Variants in MGRN1 observed in about 807,000 individuals in gnomAD.
MGRN1 encodes the protein mahogunin ring finger 1.
A neutral mutation model predicts 69.2 loss-of-function variants in MGRN1; 29 were observed. The observed-to-expected ratio is 0.42, with a 90% CI of 0.31 to 0.57. The LOEUF is 0.57. Ranked by LOEUF, MGRN1 falls within the 20% of genes least tolerant of loss-of-function variation. MGRN1 has a pLI of 0.15. For missense variants in MGRN1, 998 were observed against 796.2 expected (o/e 1.25, Z -3.05); for synonymous variants, 470 against 344.2 (o/e 1.37, Z -4.04).
Position 4,677,423 on chromosome 16 carries a change from G to A in MGRN1, c.956-40G>A, listed in dbSNP as rs1432139108. 7 of 1,474,048 alleles carry A rather than the reference G, an allele frequency of 4.7e-6. No homozygotes were observed. The East Asian group carries it at 1.0e-4, about 21-fold the overall frequency. The allele number at this position is 1,474,048 out of a possible 1,614,324, so 91.3% of individuals were successfully genotyped here. On this transcript the variant is annotated intron_variant, in intron 10 of 16. Transcript: ENST00000262370. ...TGGGAGGGTCCCCTCGGGGCTGGGT[G>A]TGTCGCCTGGGCCTGATCTGAGCCC...
intron 1 of MGRN1, among the ~76,000 whole-genome samples, chr16:4,626,764 C>T (rs1319893949): frequency 6.6e-6 from 1 of 152,216 alleles, no homozygotes; most frequent in Non-Finnish European, 1.5e-5. Flanking sequence ...AATGTCATTG[C>T]TAATCACTCG....
At chr16:4,647,305 C>T (rs1596275063) in intron 1 of MGRN1, among the ~76,000 whole-genome samples, 1 of 152,220 alleles carries the variant, frequency 6.6e-6, no homozygotes. Flanking sequence ...GACCACCGTG[C>T]CCTGAGGCAC....
rs763857044 is a variant in MGRN1, at chr16:4,682,804, C to T, written c.1359-19C>T. ...GTCGTTATCCTCTCACCCCTGCCCACCCTCTCCTCTGTCCCCAGCACCCTA... is the reference window on the plus strand; with the variant it reads ...GTCGTTATCCTCTCACCCCTGCCCATCCTCTCCTCTGTCCCCAGCACCCTA... On this transcript the variant is annotated intron_variant, in intron 13 of 16. Transcript: ENST00000262370. 16 of 1,533,626 alleles carry T rather than the reference C, an allele frequency of 1.0e-5. No individual in the cohort carries two copies. In the African/African-American group the frequency reaches 2.1e-4, roughly 20 times the overall value.
At position 4,628,077 on chromosome 16, in the gene MGRN1, C is replaced by A. The variant is rs542201140; in HGVS notation, c.88+3029C>A. 5.3e-4 allele frequency among the ~76,000 whole-genome samples: 65 copies of A among 123,590 alleles called. 2 individuals are homozygous for A. The highest frequency in any genetic ancestry group is 5.0e-3 in the Middle Eastern group (1 of 200). The allele number at this position is 123,590 out of a possible 152,430, so 81.1% of individuals were successfully genotyped here. On this transcript the variant is annotated intron_variant, in intron 1 of 16. Transcript: ENST00000262370. ...CCTAGGTGTCAGAGTGAGACTCCGT[C>A]TCAAAAAAAAAAAAAAAAAAGAATT... is the stretch of plus-strand genomic sequence containing the variant.
At chr16:4,667,431 C>G (rs1440719442) in intron 7 of MGRN1, among the ~76,000 whole-genome samples, 1 of 152,244 alleles carries the variant, frequency 6.6e-6, no homozygotes, top group African/African-American at 2.4e-5. Flanking sequence ...GGCTCCCCAG[C>G]TGCTCTCCCC....
At chr16:4,651,697 A>G (rs1291867734) in intron 2 of MGRN1, among the ~76,000 whole-genome samples, 1 of 151,950 alleles carries the variant, frequency 6.6e-6, no homozygotes, top group Non-Finnish European at 1.5e-5. Flanking sequence ...CAGGTTGGGG[A>G]TGGGCAGCCC....
chr16:4,659,883 C>T (rs958298799), intron 5 of MGRN1, among the ~76,000 whole-genome samples: 5 of 152,132 alleles, frequency 3.3e-5, no homozygotes, highest in African/African-American at 1.2e-4. Context: ...CTTAGCCTCC[C>T]ATCTCCCTCA....
intron 1 of MGRN1, among the ~76,000 whole-genome samples, chr16:4,631,090 G>A (rs1342301835): frequency 2.0e-5 from 3 of 152,126 alleles, no homozygotes; most frequent in Non-Finnish European, 2.9e-5. Flanking sequence ...CCAGAGTGCT[G>A]GGATTACAGG....
intron 4 of MGRN1, 137 bp downstream of exon 4, chr16:4,652,961 G>A: frequency 1.7e-6 from 2 of 1,194,704 alleles, no homozygotes; most frequent in Non-Finnish European, 2.2e-6. Flanking sequence ...TTACCACGAT[G>A]TGAGGGGTTT....
intron 11 of MGRN1, among the ~76,000 whole-genome samples, chr16:4,677,989 G>A (rs936186798): frequency 2.6e-5 from 4 of 152,154 alleles, no homozygotes; most frequent in East Asian, 1.9e-4. Context: ...CTGTGACCAC[G>A]GGCGTGTACC....
intron 8 of MGRN1, 79 bp downstream of exon 8, chr16:4,668,391 A>G: frequency 7.0e-7 from 1 of 1,438,684 alleles, no homozygotes; most frequent in Non-Finnish European, 9.7e-7. Flanking sequence ...ACTCATACAT[A>G]GACACACACT....
rs540642739 is a variant in MGRN1 at position 4,657,516 on chromosome 16, G to A, written c.561+153G>A. Among the ~76,000 whole-genome samples the A allele has an allele frequency of 2.0e-5, 3 of 152,340 alleles. No homozygotes were observed. The East Asian group carries it at 5.8e-4, about 29-fold the overall frequency. On this transcript the variant is annotated intron_variant, in intron 5 of 16. Transcript: ENST00000262370. ...CCCCAGTCTGTGCTCAGGTGGACGT[G>A]TGGATGGGCGGGAGCAAGGCCTGGG...
rs116827698 is a variant in MGRN1 at position 4,632,310 on chromosome 16, G to T, written c.88+7262G>T. 3.3e-5 allele frequency among the ~76,000 whole-genome samples: 5 copies of T among 152,030 alleles called. No homozygotes were observed. In the South Asian group the frequency reaches 1.0e-3, roughly 32 times the overall value. The stretch of plus-strand genomic sequence containing the variant: ...ATTACAGGCATGAGCCACTGCGCCC[G>T]GCTATTCTTAATAACAGTTTTGTTG... On this transcript the variant is annotated intron_variant, in intron 1 of 16. Transcript: ENST00000262370.
chr16:4,662,111 C>T (rs1278380086), intron 5 of MGRN1, among the ~76,000 whole-genome samples: 1 of 152,212 alleles, frequency 6.6e-6, no homozygotes, highest in Non-Finnish European at 1.5e-5. Flanking sequence ...CTTCTCCTGA[C>T]TGCTGTCTGT....
At position 4,686,070 on chromosome 16, in the gene MGRN1, C is replaced by T. The variant is rs573684415; in HGVS notation, c.1618+2138C>T. ...GAGGGGCAGGGCCAGTGCGCTCCTCCGCGTTGAATTCTGGCTGCGCTCTGC... is the reference window on the plus strand; with the variant it reads ...GAGGGGCAGGGCCAGTGCGCTCCTCTGCGTTGAATTCTGGCTGCGCTCTGC... On this transcript the variant is annotated intron_variant, in intron 16 of 16. Coordinates refer to ENST00000262370, the MANE Select transcript of MGRN1 (RefSeq NM_015246.4). Among the ~76,000 whole-genome samples the T allele has an allele frequency of 9.9e-5, 15 of 151,854 alleles. No homozygotes were observed. The South Asian group carries it at 1.0e-3, about 11-fold the overall frequency.
intron 2 of MGRN1, among the ~76,000 whole-genome samples, chr16:4,651,305 C>G (rs1041447067): frequency 6.6e-6 from 1 of 152,132 alleles, no homozygotes; most frequent in Admixed American, 6.5e-5. Context: ...GCCTAGTGCT[C>G]TTCCAGGGCT....
intron 1 of MGRN1, among the ~76,000 whole-genome samples, chr16:4,642,800 T>G (rs1045386036): frequency 2.6e-5 from 4 of 151,944 alleles, no homozygotes; most frequent in Admixed American, 1.3e-4. Context: ...TTTTTTTTTT[T>G]TTTTGTTAAA....
At chr16:4,688,158 G>T in intron 16 of MGRN1, 2 of 985,562 alleles carry the variant, frequency 2.0e-6, no homozygotes, top group Non-Finnish European at 2.4e-6. Flanking sequence ...AGGGCTGGTG[G>T]CTGGGTGTCA....
rs572212329 is a variant in MGRN1, at chr16:4,684,019, G to A, written c.1618+87G>A. The A allele has an allele frequency of 1.9e-5, 22 of 1,149,624 alleles. 1 individual carries two copies. In the South Asian group the frequency reaches 2.9e-4, roughly 15 times the overall value. 71.2% of individuals were successfully genotyped at this position (1,149,624 alleles called of 1,614,324 possible). The stretch of plus-strand genomic sequence containing the variant: ...GCCCTGCTCTGATGGTCGGTGCATA[G>A]CAGCAGAGGCTGTCCATTGGAGCCT... On this transcript the variant is annotated intron_variant, in intron 16 of 16. Coordinates refer to ENST00000262370, the MANE Select transcript of MGRN1 (RefSeq NM_015246.4).
Sources: gnomAD v4.1 joint callset for allele counts (sites outside exome capture counted in the v4.1 genomes callset) on GRCh38, gnomAD v4.1.1 for gene constraint, MANE v1.5 for transcripts, NCBI Gene and HGNC (gene_info 2026-07-23, HGNC 2026-07-21) for gene names.